The following CSMD2 variants were observed in gnomAD, a reference collection of about 807,000 sequenced individuals.
CSMD2 encodes CUB and sushi domain-containing protein 2.
CSMD2 carries 130 observed loss-of-function variants against 398.5 expected under a neutral mutation model. That is an observed-to-expected ratio of 0.33 (90% CI 0.28 to 0.38). The LOEUF (loss-of-function observed/expected upper bound fraction) is 0.38, where lower values mean the gene tolerates loss of function less well. Among genes scored for constraint, CSMD2 ranks in the 10% least tolerant of loss-of-function variants. The pLI is 1.00. For missense variants in CSMD2, 3,829 were observed against 4,764.9 expected, an observed-to-expected ratio of 0.80 and a Z score of 5.78; for synonymous variants, 1,828 against 1,908.5, an observed-to-expected ratio of 0.96 and a Z score of 1.10.
intron 13 of CSMD2, among the ~76,000 whole-genome samples, chr1:33,754,685 TG>T: frequency 6.7e-6 from 1 of 149,456 alleles, no homozygotes; most frequent in South Asian, 2.1e-4. Flanking sequence ...CATTTCTCAC[TG>T]TTATGTTAAA....
rs562131146 is a variant in CSMD2, at chr1:33,608,026, G to A, written c.6344-2556C>T. Among the ~76,000 whole-genome samples, 928 of 152,298 alleles carry A rather than the reference G, an allele frequency of 6.1e-3. 5 individuals carry two copies. The highest frequency in any genetic ancestry group is 9.0e-3 in the African/African-American group (376 of 41,574). On this transcript the variant is annotated intron_variant, in intron 41 of 70. Coordinates refer to ENST00000373381, the MANE Select transcript of CSMD2 (RefSeq NM_001281956.2). ...AGTGGGAGAGACAGGCCCATCCCAG[G>A]GAGGGACACTAGTCCCGAATGTTGG...
chr1:33,554,551 TCAA>T (rs1487019643), intron 55 of CSMD2, among the ~76,000 whole-genome samples: 1 of 152,050 alleles, frequency 6.6e-6, no homozygotes, highest in Non-Finnish European at 1.5e-5. Flanking sequence ...ATGCCTGGCT[TCAA>T]AATTTCAAAA....
intron 53 of CSMD2, among the ~76,000 whole-genome samples, chr1:33,566,306 CAA>C (rs36061027): frequency 0.4 from 60,033 of 148,280 alleles, 12,394 homozygotes; most frequent in Non-Finnish European, 0.46. Context: ...TCAGGAACCT[CAA>C]AAAAAAAAAA....
At chr1:33,532,724 G>A (rs965162985) in intron 64 of CSMD2, among the ~76,000 whole-genome samples, 2 of 152,312 alleles carry the variant, frequency 1.3e-5, no homozygotes, top group African/African-American at 4.8e-5. Flanking sequence ...ACCTACAGGC[G>A]GGTGCTGTTT....
intron 1 of CSMD2, among the ~76,000 whole-genome samples, chr1:34,097,874 A>AACTAGAAAT (rs1558382848): frequency 5.5e-5 from 6 of 108,246 alleles, no homozygotes; most frequent in African/African-American, 2.3e-4. Flanking sequence ...AGGGATCTAG[A>AACTAGAAAT]ACTAGAAATA....
chr1:33,631,418 A>G (rs1045691899), intron 32 of CSMD2, among the ~76,000 whole-genome samples: 5 of 152,090 alleles, frequency 3.3e-5, no homozygotes, highest in African/African-American at 4.8e-5. Context: ...AATGAGACAA[A>G]TTTATTTGCA....
At chr1:34,079,028 T>G (rs1307624640) in intron 2 of CSMD2, among the ~76,000 whole-genome samples, 2 of 152,182 alleles carry the variant, frequency 1.3e-5, no homozygotes, top group Non-Finnish European at 2.9e-5. Context: ...TCTCTTTCCT[T>G]GCCCCACGGT....
chr1:33,988,874 C>T (rs1366129418), intron 3 of CSMD2, among the ~76,000 whole-genome samples: 3 of 151,672 alleles, frequency 2.0e-5, no homozygotes, highest in Non-Finnish European at 4.4e-5. Flanking sequence ...TCAACTCTCA[C>T]TTCACCCCAT....
At chr1:33,930,168 G>A (rs1644265482) in intron 4 of CSMD2, among the ~76,000 whole-genome samples, 1 of 152,222 alleles carries the variant, frequency 6.6e-6, no homozygotes, top group Non-Finnish European at 1.5e-5. Flanking sequence ...ATTAATGACT[G>A]GCTGGCTCAT....
chr1:33,949,083 G>A (rs1371326103), intron 3 of CSMD2, among the ~76,000 whole-genome samples: 1 of 152,204 alleles, frequency 6.6e-6, no homozygotes, highest in Admixed American at 6.5e-5. Context: ...TACTTAAATA[G>A]TAAGCTACTT....
chr1:33,563,266 G>A (rs1192416777), intron 53 of CSMD2, among the ~76,000 whole-genome samples: 1 of 152,090 alleles, frequency 6.6e-6, no homozygotes, highest in African/African-American at 2.4e-5. Context: ...AACAGAAAGG[G>A]AAGGTCCATG....
intron 3 of CSMD2, among the ~76,000 whole-genome samples, chr1:33,977,022 T>A (rs1475169791): frequency 1.3e-5 from 2 of 151,842 alleles, no homozygotes; most frequent in African/African-American, 4.8e-5. Flanking sequence ...CAGGCTGTTA[T>A]TCAAGCAAAG....
intron 10 of CSMD2, among the ~76,000 whole-genome samples, chr1:33,810,470 G>A (rs982702715): frequency 3.9e-5 from 6 of 152,074 alleles, no homozygotes; most frequent in African/African-American, 1.4e-4. Flanking sequence ...AAACAGGATT[G>A]GTGAGGAACC....
intron 35 of CSMD2, among the ~76,000 whole-genome samples, 200 bp from the exon 36 acceptor site, chr1:33,623,666 T>C (rs934375392): frequency 4.6e-5 from 7 of 152,064 alleles, no homozygotes; most frequent in Non-Finnish European, 2.9e-5. Context: ...GGAAGACAGA[T>C]GTGGAAAAAA....
At position 34,021,276 on chromosome 1, in the gene CSMD2, T is replaced by C. The variant is rs541184423; in HGVS notation, c.517+11318A>G. Among the ~76,000 whole-genome samples, 11 of 152,318 alleles carry C rather than the reference T, an allele frequency of 7.2e-5. No individual in the cohort carries two copies. The East Asian group carries it at 2.1e-3, about 29-fold the overall frequency. On this transcript the variant is annotated intron_variant, in intron 3 of 70. Transcript: ENST00000373381. Reference sequence around the variant, plus strand: ...CCAAGGAAGAGGTGGCAGAAAGGCATGCATCCCCTAAACCTCTAGGGCTGG... The same window carrying C: ...CCAAGGAAGAGGTGGCAGAAAGGCACGCATCCCCTAAACCTCTAGGGCTGG...
At chr1:33,622,109 T>C (rs574284874) in intron 37 of CSMD2, 58 bp downstream of exon 37, 1 of 1,277,168 alleles carries the variant, frequency 7.8e-7, no homozygotes, top group African/African-American at 1.5e-5. Flanking sequence ...CAGAAGGGGC[T>C]CAGCAACTTT....
intron 13 of CSMD2, among the ~76,000 whole-genome samples, chr1:33,750,061 T>A (rs1233126087): frequency 1.3e-5 from 2 of 152,026 alleles, no homozygotes; most frequent in East Asian, 3.8e-4. Context: ...CAACATGACC[T>A]ACACAACAAA....
At chr1:33,852,388 T>G (rs957217109) in intron 5 of CSMD2, among the ~76,000 whole-genome samples, 1 of 152,220 alleles carries the variant, frequency 6.6e-6, no homozygotes, top group African/African-American at 2.4e-5. Context: ...TCTTTCCTCT[T>G]CAATGACACA....
Position 34,015,556 on chromosome 1 carries a change from C to T in CSMD2, c.517+17038G>A, listed in dbSNP as rs568304039. 3.9e-5 allele frequency among the ~76,000 whole-genome samples: 6 copies of T among 152,280 alleles called. No individual in the cohort carries two copies. In the East Asian group the frequency reaches 1.2e-3, roughly 29 times the overall value. On this transcript the variant is annotated intron_variant, in intron 3 of 70. Coordinates refer to ENST00000373381, the MANE Select transcript of CSMD2 (RefSeq NM_001281956.2). Reference sequence around the variant, plus strand: ...TGCCTGGGTAAAGCACCCATCCCTTCCCAGGCACTCTGCAGATTCCTGGAT... The same window carrying T: ...TGCCTGGGTAAAGCACCCATCCCTTTCCAGGCACTCTGCAGATTCCTGGAT...
Sources: allele counts gnomAD v4.1 joint callset (sites outside exome capture counted in the v4.1 genomes callset), GRCh38; gene constraint gnomAD v4.1.1; transcripts MANE v1.5; gene names NCBI Gene and HGNC (gene_info 2026-07-23, HGNC 2026-07-21).